LCMT1: variants seen among roughly 807,000 people sequenced by gnomAD.
LCMT1 encodes leucine carboxyl methyltransferase 1, also known as [Phosphatase 2A protein]-leucine-carboxy methyltransferase 1.
Under a neutral mutation model 47.7 loss-of-function variants are expected in LCMT1, and 32 were observed. The observed-to-expected ratio is 0.67, with a 90% CI of 0.51 to 0.90. LCMT1 has a LOEUF of 0.90. Ranked by LOEUF, LCMT1 falls within the 40% of genes least tolerant of loss-of-function variation. LCMT1 has a pLI of 0.00. For missense variants in LCMT1, 375 were observed against 415.2 expected (o/e 0.90, Z 0.84); for synonymous variants, 152 against 149.7 (o/e 1.02, Z -0.11).
In LCMT1 at chr16:25,111,831, C is replaced by G; in HGVS notation, c.-53C>G. On this transcript the variant is annotated 5_prime_UTR_variant, in exon 1 of 11. Coordinates refer to ENST00000399069, the MANE Select transcript of LCMT1 (RefSeq NM_016309.3). ...GCTCGCGCCGTCCCCCGCCGCCCGT[C>G]GACCCCGCTTCCATGTCCCTGGCGG... The G allele has an allele frequency of 7.9e-7, 1 of 1,265,368 alleles. No individual in the cohort carries two copies. Among genetic ancestry groups the G allele is most frequent in the Non-Finnish European group, 1.1e-6 (1 of 882,546 alleles). The allele number at this position is 1,265,368 out of a possible 1,614,324, so 78.4% of individuals were successfully genotyped here.
chr16:25,130,339 C>CAA (rs58937394), intron 2 of LCMT1, among the ~76,000 whole-genome samples: 2 of 129,002 alleles, frequency 1.6e-5, no homozygotes, highest in Admixed American at 8.1e-5. Context: ...TACTCCATCT[C>CAA]AAAAAAAAAA....
intron 5 of LCMT1, among the ~76,000 whole-genome samples, chr16:25,153,399 C>G (rs927226160): frequency 1.3e-5 from 2 of 152,228 alleles, no homozygotes; most frequent in South Asian, 4.1e-4. Flanking sequence ...CGTGTCATCC[C>G]ATGGAGGAAG....
intron 9 of LCMT1, among the ~76,000 whole-genome samples, chr16:25,171,737 T>G (rs1170411458): frequency 6.6e-6 from 1 of 152,210 alleles, no homozygotes; most frequent in African/African-American, 2.4e-5. Context: ...CTATGCTTCT[T>G]GTTCTAAAAA....
intron 1 of LCMT1, 115 bp downstream of exon 1, chr16:25,112,111 C>G (rs540901082): frequency 5.4e-6 from 4 of 734,554 alleles, no homozygotes; most frequent in Non-Finnish European, 9.7e-6. Flanking sequence ...CCCCGCCTCG[C>G]ACGACCCTCG....
chr16:25,125,000 A>G (rs1960118885), intron 1 of LCMT1, among the ~76,000 whole-genome samples: 1 of 152,236 alleles, frequency 6.6e-6, no homozygotes, highest in South Asian at 2.1e-4. Flanking sequence ...GAAAGCATTT[A>G]TGGATTGAAA....
chr16:25,137,360 T>G (rs1464085027), intron 3 of LCMT1, among the ~76,000 whole-genome samples: 1 of 152,104 alleles, frequency 6.6e-6, no homozygotes, highest in East Asian at 1.9e-4. Flanking sequence ...AAATAGCTTC[T>G]GCATAACCCT....
At chr16:25,117,230 C>T (rs775859064) in intron 1 of LCMT1, among the ~76,000 whole-genome samples, 2 of 152,186 alleles carry the variant, frequency 1.3e-5, no homozygotes, top group Non-Finnish European at 2.9e-5. Flanking sequence ...CTTGGCTCTC[C>T]TGACTCACCT....
chr16:25,177,206 G>C (rs1439700810), intron 10 of LCMT1, among the ~76,000 whole-genome samples: 1 of 151,792 alleles, frequency 6.6e-6, no homozygotes, highest in Non-Finnish European at 1.5e-5. Flanking sequence ...TCACTTATTG[G>C]GGTATTTGTA....
chr16:25,156,441 C>T (rs764385398), intron 5 of LCMT1, among the ~76,000 whole-genome samples: 7 of 152,240 alleles, frequency 4.6e-5, no homozygotes, highest in African/African-American at 1.2e-4. Context: ...TTTTGTAATC[C>T]GCTTCAACTC....
At chr16:25,142,077 CAGAG>C (rs1484905688) in intron 4 of LCMT1, 1 of 152,388 alleles carries the variant, frequency 6.6e-6, no homozygotes, top group South Asian at 2.1e-4. Context: ...GTGCAAGTAA[CAGAG>C]AGGTGAAATT....
At chr16:25,114,730 A>G (rs1476855978) in intron 1 of LCMT1, among the ~76,000 whole-genome samples, 1 of 151,920 alleles carries the variant, frequency 6.6e-6, no homozygotes. Flanking sequence ...CCTCAGGGAT[A>G]TCCTGTTCTT....
At chr16:25,156,795 GC>G (rs1038712986) in intron 5 of LCMT1, among the ~76,000 whole-genome samples, 1 of 152,144 alleles carries the variant, frequency 6.6e-6, no homozygotes, top group Non-Finnish European at 1.5e-5. Context: ...TGGATTTTAA[GC>G]CCCATGAGGG....
At chr16:25,137,998 C>T (rs1313806991) in intron 3 of LCMT1, among the ~76,000 whole-genome samples, 3 of 152,142 alleles carry the variant, frequency 2.0e-5, no homozygotes, top group Admixed American at 6.5e-5. Context: ...GTTACTGTCT[C>T]CATGAATGGT....
intron 5 of LCMT1, among the ~76,000 whole-genome samples, chr16:25,155,479 G>T (rs1961227150): frequency 6.6e-6 from 1 of 151,976 alleles, no homozygotes; most frequent in Non-Finnish European, 1.5e-5. Flanking sequence ...CCCAGGAGTT[G>T]TAGGCTACAG....
chr16:25,150,752 T>C (rs1201502717), intron 4 of LCMT1, among the ~76,000 whole-genome samples: 3 of 152,100 alleles, frequency 2.0e-5, no homozygotes, highest in African/African-American at 7.2e-5. Flanking sequence ...AAACATTAAG[T>C]GTTTCAGCTG....
chr16:25,129,964 T>G (rs1017668288), intron 2 of LCMT1, among the ~76,000 whole-genome samples: 8 of 152,158 alleles, frequency 5.3e-5, no homozygotes, highest in Non-Finnish European at 1.5e-5. Context: ...GAAAGTGTTG[T>G]GAGACCTGGT....
intron 7 of LCMT1, among the ~76,000 whole-genome samples, chr16:25,168,161 G>A (rs1961644290): frequency 1.3e-5 from 2 of 151,976 alleles, no homozygotes; most frequent in Non-Finnish European, 2.9e-5. Context: ...TGATTCTCCC[G>A]CCTCAGCCTC....
At chr16:25,145,449 A>G (rs1281964910) in intron 4 of LCMT1, 1 of 152,254 alleles carries the variant, frequency 6.6e-6, no homozygotes, top group African/African-American at 2.4e-5. Flanking sequence ...TCTGGGTATC[A>G]GAGATTTCTC....
intron 7 of LCMT1, among the ~76,000 whole-genome samples, chr16:25,165,110 G>GT (rs1961548435): frequency 1.3e-5 from 2 of 150,600 alleles, no homozygotes; most frequent in Non-Finnish European, 3.0e-5. Flanking sequence ...TTTGGGGACT[G>GT]GTGAAACGGA....
Sources: allele counts gnomAD v4.1 joint callset (sites outside exome capture counted in the v4.1 genomes callset), GRCh38; gene constraint gnomAD v4.1.1; transcripts MANE v1.5; gene names NCBI Gene and HGNC (gene_info 2026-07-23, HGNC 2026-07-21).